Variants in ARID4A observed in about 807,000 individuals in gnomAD.
ARID4A encodes the protein AT-rich interaction domain 4A.
ARID4A carries 39 observed loss-of-function variants against 148.6 expected under a neutral mutation model. The ratio of observed to expected loss-of-function variants is 0.26; its 90% confidence interval spans 0.20 to 0.34. The LOEUF (loss-of-function observed/expected upper bound fraction) is 0.34, where lower values mean the gene tolerates loss of function less well. Among genes scored for constraint, ARID4A ranks in the 10% least tolerant of loss-of-function variants. The probability of loss-of-function intolerance (pLI) is 1.00; values close to 1 mark genes in which losing one functional copy is unlikely to be tolerated. For missense variants in ARID4A, 1,265 were observed against 1,449.1 expected (o/e 0.87, Z 2.06); for synonymous variants, 475 against 481.2 (o/e 0.99, Z 0.17).
chr14:58,318,508 G>C, intron 5 of ARID4A, 34 bp from the exon 6 acceptor site: 1 of 1,583,980 alleles, frequency 6.3e-7, no homozygotes, highest in Non-Finnish European at 8.7e-7. Context: ...TCATTAGTGT[G>C]CATAAATTCT....
Position 58,304,975 on chromosome 14 carries a change from T to C in ARID4A, c.149T>C (p.Leu50Ser). 6.2e-7 allele frequency: 1 copy of C among 1,607,850 alleles called. No homozygotes were observed. Among genetic ancestry groups the C allele is most frequent in the South Asian group, 1.1e-5 (1 of 89,424 alleles). The stretch of plus-strand genomic sequence containing the variant: ...CTGAAACAGGATAATACCACACAAT[T>C]GGTACAAGATGACCAAGTAAAGGGT... ...VLLKQDNTTQLVQDDQVKGPL... is the reference protein window; with the variant it reads ...VLLKQDNTTQSVQDDQVKGPL... The change falls in exon 4 of 24, where the codon TTG becomes TCG. Residue 50 changes from leucine (L) to serine (S), a missense_variant. Around this residue, in one of 9 missense-constraint regions of ARID4A, gnomAD observed 59 missense variants for 49.8 expected, o/e 1.18. Coordinates refer to ENST00000355431, the MANE Select transcript of ARID4A (RefSeq NM_002892.4).
intron 7 of ARID4A, among the ~76,000 whole-genome samples, chr14:58,319,500 G>GTGTATGAA (rs2032705787): frequency 7.8e-6 from 1 of 128,924 alleles, no homozygotes; most frequent in African/African-American, 2.9e-5. Flanking sequence ...ACGAATATCT[G>GTGTATGAA]TGTATGAATG....
chr14:58,351,223 C>T lies in ARID4A; in HGVS notation c.1555C>T (p.Leu519=). 3 of 1,612,906 alleles carry T rather than the reference C, an allele frequency of 1.9e-6. No individual in the cohort carries two copies. In the South Asian group the frequency reaches 3.3e-5, roughly 18 times the overall value. ...AGAGAAAAAAGAAAATGAGCTACTACTGGGGAGAAAAAATACACCAAAGCA... is the reference window on the plus strand; with the variant it reads ...AGAGAAAAAAGAAAATGAGCTACTATTGGGGAGAAAAAATACACCAAAGCA... The part of the protein sequence containing the change: ...TAEKKENELL[L]GRKNTPKQKE... The change falls in exon 16 of 24, where the codon CTG becomes TTG. Residue 519 remains leucine (L), a synonymous_variant. Coordinates refer to ENST00000355431, the MANE Select transcript of ARID4A (RefSeq NM_002892.4).
chr14:58,309,943 A>G (rs2031893380), intron 5 of ARID4A, among the ~76,000 whole-genome samples: 1 of 152,216 alleles, frequency 6.6e-6, no homozygotes, highest in South Asian at 2.1e-4. Context: ...CTGCAGGTTT[A>G]TAAGGTTTTT....
At chr14:58,355,623 T>C (rs1048916439) in intron 17 of ARID4A, among the ~76,000 whole-genome samples, 9 of 152,242 alleles carry the variant, frequency 5.9e-5, no homozygotes, top group African/African-American at 1.9e-4. Context: ...ATGTAAATGC[T>C]TAGAACCATG....
intron 10 of ARID4A, 136 bp downstream of exon 10, chr14:58,329,740 T>A (rs2033415392): frequency 2.1e-6 from 2 of 966,730 alleles, no homozygotes; most frequent in Non-Finnish European, 1.5e-6. Context: ...CTTGATTTTT[T>A]TTTAATGTCT....
intron 1 of ARID4A, chr14:58,299,563 C>A: frequency 1.9e-6 from 1 of 533,438 alleles, no homozygotes; most frequent in Non-Finnish European, 3.4e-6. Flanking sequence ...GCCAGCGAGG[C>A]GGGGGCGCGG....
intron 10 of ARID4A, 61 bp downstream of exon 10, chr14:58,329,665 A>G: frequency 7.4e-7 from 1 of 1,357,732 alleles, no homozygotes; most frequent in Admixed American, 1.7e-5. Context: ...AAAATAGCAA[A>G]TAAAGCAAGA....
rs2082084042 is a variant in ARID4A, at chr14:58,347,833, A to C, written c.1359A>C (p.Ser453=). 3 of 1,613,584 alleles carry C rather than the reference A, an allele frequency of 1.9e-6. No individual in the cohort carries two copies. The highest frequency in any genetic ancestry group is 1.3e-5 in the African/African-American group (1 of 75,054). The change falls in exon 15 of 24, where the codon TCA becomes TCC. Residue 453 remains serine, a synonymous_variant. Transcript: ENST00000355431. ...GTGAACCTGAGGAAAATATCGATTC[A>C]AACAGTGAAAGTGAAAGAGAAGAGA... ...VKSEPEENID[S]NSESEREEIE...
intron 5 of ARID4A, among the ~76,000 whole-genome samples, chr14:58,315,516 A>G (rs2032349811): frequency 1.3e-5 from 2 of 152,002 alleles, no homozygotes; most frequent in Non-Finnish European, 2.9e-5. Flanking sequence ...CCTTTTTCAT[A>G]CCTCCATTTA....
In ARID4A at chr14:58,318,568, T is replaced by C. The variant is rs370190181; in HGVS notation, c.301T>C (p.Leu101=). The change falls in exon 6 of 24, where the codon TTG becomes CTG. Residue 101 remains leucine, a synonymous_variant. Coordinates refer to ENST00000355431, the MANE Select transcript of ARID4A (RefSeq NM_002892.4). ...VVFDDGDERT[L]RRTSLCLKGE... is the part of the protein sequence containing the mutation. The stretch of plus-strand genomic sequence containing the variant: ...GTTTGATGATGGTGATGAGCGAACA[T>C]TGAGACGTACCTCACTTTGTCTGAA... 3.2e-5 allele frequency: 51 copies of C among 1,614,080 alleles called. No homozygotes were observed. Among genetic ancestry groups the C allele is most frequent in the African/African-American group, 1.5e-4 (11 of 74,928 alleles).
At chr14:58,363,964 A>G (rs2035242072) in intron 19 of ARID4A, among the ~76,000 whole-genome samples, 1 of 152,146 alleles carries the variant, frequency 6.6e-6, no homozygotes, top group South Asian at 2.1e-4. Context: ...GCAACGTAAT[A>G]TATTTTTGCT....
chr14:58,326,359 C>A (rs933010025), intron 8 of ARID4A, among the ~76,000 whole-genome samples: 1 of 152,132 alleles, frequency 6.6e-6, no homozygotes, highest in Non-Finnish European at 1.5e-5. Context: ...ATGGCATGAA[C>A]CCGGAAGGCG....
rs1211306815 is a variant in ARID4A, at chr14:58,306,016, T to A, written c.184-6T>A. On this transcript the variant is annotated splice_region_variant and splice_polypyrimidine_tract_variant and intron_variant, in intron 4 of 23. Transcript: ENST00000355431. ...TTGGTAAGGAAATTGGGATTTCACA[T>A]TTTAGGTTGGAGCTATTGTTGAAAC... 1.9e-6 allele frequency: 3 copies of A among 1,611,478 alleles called. No individual in the cohort carries two copies. Among genetic ancestry groups the A allele is most frequent in the African/African-American group, 2.7e-5 (2 of 74,876 alleles).
intron 5 of ARID4A, among the ~76,000 whole-genome samples, 199 bp downstream of exon 5, chr14:58,306,311 G>T (rs2031593953): frequency 6.6e-6 from 1 of 152,132 alleles, no homozygotes; most frequent in South Asian, 2.1e-4. Context: ...GGCCACTTTT[G>T]TCTATTTCAT....
rs892212539 is a variant in ARID4A at position 58,323,527 on chromosome 14, T to C, written c.492T>C (p.Asp164=). Reference sequence around the variant, plus strand: ...AAGAAGAAAGCAGTGAAGAGGAAGATGAAGACAAGCGCCGTCTCAATGATG... The same window carrying C: ...AAGAAGAAAGCAGTGAAGAGGAAGACGAAGACAAGCGCCGTCTCAATGATG... The part of the protein sequence containing the change: ...EKEEESSEEE[D]EDKRRLNDEL... Residue 164 remains aspartate (D), a synonymous_variant, in exon 8 of 24, where the codon GAT becomes GAC. Transcript: ENST00000355431. 1 of 1,614,148 alleles carries C rather than the reference T, an allele frequency of 6.2e-7. No individual in the cohort carries two copies. The highest frequency in any genetic ancestry group is 1.3e-5 in the African/African-American group (1 of 75,054).
chr14:58,302,601 T>C (rs1423218524), intron 3 of ARID4A, among the ~76,000 whole-genome samples: 1 of 152,074 alleles, frequency 6.6e-6, no homozygotes, highest in Non-Finnish European at 1.5e-5. Context: ...GAGATTGCAG[T>C]GAGCCGAAAT....
intron 5 of ARID4A, among the ~76,000 whole-genome samples, chr14:58,314,337 A>G (rs1840197577): frequency 6.6e-6 from 1 of 152,230 alleles, no homozygotes; most frequent in Admixed American, 6.5e-5. Flanking sequence ...ATGGAAGTTA[A>G]GAGAGGAACT....
At chr14:58,360,263 G>A (rs571616054) in intron 18 of ARID4A, among the ~76,000 whole-genome samples, 4 of 152,256 alleles carry the variant, frequency 2.6e-5, no homozygotes, top group South Asian at 2.1e-4. Context: ...CGTGACAAAC[G>A]AGAGGTCACA....
Sources: allele counts gnomAD v4.1 joint callset (sites outside exome capture counted in the v4.1 genomes callset), GRCh38; gene constraint gnomAD v4.1.1; regional missense constraint gnomAD v4.1.1; transcripts MANE v1.5; gene names NCBI Gene and HGNC (gene_info 2026-07-23, HGNC 2026-07-21).